Variants in NUFIP1 observed in about 807,000 individuals in gnomAD.
NUFIP1 encodes the protein nuclear FMR1 interacting protein 1.
In NUFIP1, 38 loss-of-function variants were observed where a neutral mutation model predicts 56.2. The observed-to-expected ratio is 0.68, with a 90% CI of 0.52 to 0.89. The LOEUF is 0.89. Among genes scored for constraint, NUFIP1 ranks in the 40% least tolerant of loss-of-function variants. The probability of loss-of-function intolerance (pLI) is 0.00; values close to 1 mark genes in which losing one functional copy is unlikely to be tolerated. For synonymous variants in NUFIP1, 215 were observed against 212.4 expected, an observed-to-expected ratio of 1.01 and a Z score of -0.10; for missense variants, 567 against 605.8, an observed-to-expected ratio of 0.94 and a Z score of 0.67.
chr13:44,977,992 T>A (rs1405357430), intron 5 of NUFIP1, among the ~76,000 whole-genome samples: 1 of 152,194 alleles, frequency 6.6e-6, no homozygotes, highest in African/African-American at 2.4e-5. Flanking sequence ...GAGGTTGCAG[T>A]GGGCTGAGAT....
chr13:44,978,349 G>T (rs936418845), intron 5 of NUFIP1, among the ~76,000 whole-genome samples: 1 of 152,104 alleles, frequency 6.6e-6, no homozygotes, highest in East Asian at 1.9e-4. Context: ...TATCTTTCTT[G>T]CCCTTTAAGG....
intron 1 of NUFIP1, among the ~76,000 whole-genome samples, chr13:44,984,606 T>A (rs1872315785): frequency 6.6e-6 from 1 of 152,166 alleles, no homozygotes; most frequent in African/African-American, 2.4e-5. Flanking sequence ...GGTGCCACTG[T>A]ACTCTAGCCT....
chr13:44,962,401 A>C (rs1175452931), intron 6 of NUFIP1, among the ~76,000 whole-genome samples: 1 of 152,306 alleles, frequency 6.6e-6, no homozygotes. Context: ...TGCTCTACTT[A>C]TCTATTTATC....
chr13:44,975,910 A>G (rs182170940), intron 5 of NUFIP1, among the ~76,000 whole-genome samples: 340 of 152,366 alleles, frequency 2.2e-3, no homozygotes, highest in African/African-American at 6.8e-3. Flanking sequence ...AAGTTGGCAA[A>G]TCAGGAAGTC....
intron 8 of NUFIP1, among the ~76,000 whole-genome samples, chr13:44,943,907 G>C (rs1174663183): frequency 6.6e-6 from 1 of 152,150 alleles, no homozygotes; most frequent in Non-Finnish European, 1.5e-5. Context: ...GCTACAGAAA[G>C]TGATCTCTAT....
rs1186886456 is a variant in NUFIP1, at chr13:44,987,247, G to A, written c.412+1778C>T. On this transcript the variant is annotated intron_variant, in intron 1 of 9. Coordinates refer to ENST00000379161, the MANE Select transcript of NUFIP1 (RefSeq NM_012345.3). The stretch of plus-strand genomic sequence containing the variant: ...ACAAAAATTAGCCAGGCATGGTGGC[G>A]GGCACCTGTAGTACCAGCTGCTCGG... 7.2e-5 allele frequency among the ~76,000 whole-genome samples: 11 copies of A among 152,102 alleles called. No homozygotes were observed. In the East Asian group the frequency reaches 7.7e-4, roughly 11 times the overall value.
At chr13:44,969,210 A>G (rs1330423219) in intron 5 of NUFIP1, among the ~76,000 whole-genome samples, 1 of 152,168 alleles carries the variant, frequency 6.6e-6, no homozygotes, top group Non-Finnish European at 1.5e-5. Flanking sequence ...ATTTAAAACT[A>G]GAGAGAAAAA....
chr13:44,971,137 G>A (rs7981052), intron 5 of NUFIP1, among the ~76,000 whole-genome samples: 20 of 151,994 alleles, frequency 1.3e-4, no homozygotes, highest in African/African-American at 4.4e-4. Context: ...TAAAGAGCAA[G>A]AACCTGAGAA....
At chr13:44,954,958 C>CT (rs1871178779) in intron 7 of NUFIP1, among the ~76,000 whole-genome samples, 1 of 152,152 alleles carries the variant, frequency 6.6e-6, no homozygotes, top group Non-Finnish European at 1.5e-5. Flanking sequence ...GTTGGGTTGC[C>CT]TTTGTCTTGT....
chr13:44,984,682 T>G (rs1872318952), intron 1 of NUFIP1, among the ~76,000 whole-genome samples: 1 of 152,134 alleles, frequency 6.6e-6, no homozygotes, highest in African/African-American at 2.4e-5. Context: ...ACACTAATTG[T>G]TCAGATTCAG....
chr13:44,980,871 C>A, intron 2 of NUFIP1, 51 bp from the exon 3 acceptor site: 1 of 1,196,612 alleles, frequency 8.4e-7, no homozygotes, highest in South Asian at 1.3e-5. Flanking sequence ...AATCTGTAAT[C>A]AATAATAAAA....
At chr13:44,952,586 ATT>A (rs1430194123) in intron 7 of NUFIP1, among the ~76,000 whole-genome samples, 1 of 152,142 alleles carries the variant, frequency 6.6e-6, no homozygotes, top group Non-Finnish European at 1.5e-5. Context: ...TAAACTTTGT[ATT>A]TTGAAACAAT....
intron 8 of NUFIP1, among the ~76,000 whole-genome samples, chr13:44,949,199 A>ATTTTTTT (rs11421255): frequency 9.5e-4 from 107 of 112,618 alleles, no homozygotes; most frequent in African/African-American, 1.6e-3. Context: ...ATTATATTGT[A>ATTTTTTT]TTTTTTTTTT....
At chr13:44,971,113 T>C (rs1871790155) in intron 5 of NUFIP1, among the ~76,000 whole-genome samples, 1 of 152,052 alleles carries the variant, frequency 6.6e-6, no homozygotes, top group African/African-American at 2.4e-5. Flanking sequence ...ATATATGAAC[T>C]CTTCAGAATA....
intron 7 of NUFIP1, among the ~76,000 whole-genome samples, chr13:44,956,000 G>A (rs545055003): frequency 4.2e-4 from 64 of 151,668 alleles, no homozygotes; most frequent in Non-Finnish European, 8.1e-4. Flanking sequence ...AAAATTAGCC[G>A]GGCGAGGTGG....
At chr13:44,968,782 C>T (rs1871703516) in intron 5 of NUFIP1, among the ~76,000 whole-genome samples, 1 of 152,166 alleles carries the variant, frequency 6.6e-6, no homozygotes, top group African/African-American at 2.4e-5. Flanking sequence ...TAAAATTTGG[C>T]ACTACAGTGT....
intron 8 of NUFIP1, among the ~76,000 whole-genome samples, chr13:44,949,251 G>C (rs1871001614): frequency 7.5e-6 from 1 of 133,908 alleles, no homozygotes; most frequent in Non-Finnish European, 1.5e-5. Context: ...GCCCAGGCTG[G>C]AGTGCAGTGG....
intron 5 of NUFIP1, among the ~76,000 whole-genome samples, chr13:44,977,365 C>A (rs1398317261): frequency 1.3e-5 from 2 of 152,108 alleles, no homozygotes; most frequent in Non-Finnish European, 2.9e-5. Context: ...GACTGGCAAC[C>A]AGCCAATCCA....
chr13:44,947,629 T>C (rs1275254223), intron 8 of NUFIP1, among the ~76,000 whole-genome samples: 1 of 152,158 alleles, frequency 6.6e-6, no homozygotes, highest in Admixed American at 6.5e-5. Flanking sequence ...TTTAAAATGA[T>C]GGCAGTCTCA....
Sources: allele counts gnomAD v4.1 joint callset (sites outside exome capture counted in the v4.1 genomes callset), GRCh38; gene constraint gnomAD v4.1.1; transcripts MANE v1.5; gene names NCBI Gene and HGNC (gene_info 2026-07-23, HGNC 2026-07-21).